LARS1: variants seen among roughly 807,000 people sequenced by gnomAD.
LARS1 encodes leucine--tRNA ligase, cytoplasmic.
A neutral mutation model predicts 162.8 loss-of-function variants in LARS1; 100 were observed. The observed-to-expected ratio is 0.61, with a 90% CI of 0.52 to 0.73. LARS1 has a LOEUF of 0.73. Among genes scored for constraint, LARS1 ranks in the 30% least tolerant of loss-of-function variants. The pLI is 0.00. For missense variants in LARS1, 1,258 were observed against 1,408.9 expected (o/e 0.89, Z 1.71); for synonymous variants, 457 against 462.8 (o/e 0.99, Z 0.16).
At chr5:146,150,220 A>C (rs1753212981) in intron 14 of LARS1, among the ~76,000 whole-genome samples, 1 of 152,170 alleles carries the variant, frequency 6.6e-6, no homozygotes, top group Non-Finnish European at 1.5e-5. Flanking sequence ...TAGCTTATCC[A>C]TTGTTGCCAT....
chr5:146,115,648 T>C (rs910534769), intron 31 of LARS1, among the ~76,000 whole-genome samples: 1 of 143,136 alleles, frequency 7.0e-6, no homozygotes, highest in African/African-American at 2.5e-5. Flanking sequence ...TCAACAATCC[T>C]GCCAACAACT....
intron 29 of LARS1, among the ~76,000 whole-genome samples, chr5:146,123,623 A>AG (rs1408754480): frequency 6.6e-6 from 1 of 151,540 alleles, no homozygotes; most frequent in Non-Finnish European, 1.5e-5. Flanking sequence ...ATCAAAAGGG[A>AG]GGGGGGAAAA....
intron 31 of LARS1, among the ~76,000 whole-genome samples, 200 bp from the exon 32 acceptor site, chr5:146,114,511 A>C (rs1764112479): frequency 6.6e-6 from 1 of 152,112 alleles, no homozygotes; most frequent in Non-Finnish European, 1.5e-5. Context: ...AGGCGGGTGA[A>C]TCACTTGAGG....
At position 146,168,230 on chromosome 5, in the gene LARS1, C is replaced by A; in HGVS notation, c.330G>T (p.Leu110=). 6.2e-7 allele frequency: 1 copy of A among 1,613,618 alleles called. No individual in the cohort carries two copies. Among genetic ancestry groups the A allele is most frequent in the South Asian group, 1.1e-5 (1 of 90,996 alleles). The change falls in exon 5 of 32, where the codon CTG becomes CTT. Residue 110 remains leucine (L), a synonymous_variant. Transcript: ENST00000394434. Reference sequence around the variant, plus strand: ...CTGGAAAATCAGGGGGGCAACCATACAGCTCTATTTCTCTTTTCAACTTAT... The same window carrying A: ...CTGGAAAATCAGGGGGGCAACCATAAAGCTCTATTTCTCTTTTCAACTTAT... ...CADKLKREIE[L]YGCPPDFPDE... is the part of the protein sequence containing the mutation.
At chr5:146,176,596 A>G (rs978896128) in intron 2 of LARS1, among the ~76,000 whole-genome samples, 10 of 152,180 alleles carry the variant, frequency 6.6e-5, no homozygotes, top group African/African-American at 1.7e-4. Context: ...TATTTCTTCA[A>G]TCTGAAAAAG....
At chr5:146,159,735 A>T (rs1366137749) in intron 7 of LARS1, among the ~76,000 whole-genome samples, 4 of 152,186 alleles carry the variant, frequency 2.6e-5, no homozygotes, top group African/African-American at 9.6e-5. Context: ...ATTATAAAAC[A>T]TAAATTGACT....
intron 6 of LARS1, among the ~76,000 whole-genome samples, chr5:146,163,673 G>C (rs535089814): frequency 2.6e-5 from 4 of 152,068 alleles, no homozygotes; most frequent in Non-Finnish European, 5.9e-5. Context: ...GTGACAGAGC[G>C]AGACTCCATC....
chr5:146,129,678 A>G (rs776417405), intron 25 of LARS1, among the ~76,000 whole-genome samples: 4 of 151,912 alleles, frequency 2.6e-5, no homozygotes, highest in Non-Finnish European at 5.9e-5. Context: ...TATATATGCC[A>G]GAAGTTTTAT....
chr5:146,157,197 T>C (rs1174780530), intron 10 of LARS1, among the ~76,000 whole-genome samples: 1 of 152,022 alleles, frequency 6.6e-6, no homozygotes, highest in African/African-American at 2.4e-5. Flanking sequence ...CCTTCTGGAG[T>C]GCTAAAACTG....
At chr5:146,167,870 G>A (rs1234122230) in intron 5 of LARS1, among the ~76,000 whole-genome samples, 2 of 148,052 alleles carry the variant, frequency 1.4e-5, no homozygotes, top group South Asian at 2.1e-4. Flanking sequence ...ATTTTTAGTA[G>A]AGACGGGGTT....
intron 4 of LARS1, among the ~76,000 whole-genome samples, chr5:146,170,592 G>A (rs1402465880): frequency 2.6e-5 from 4 of 152,162 alleles, no homozygotes; most frequent in African/African-American, 9.7e-5. Flanking sequence ...GGGATAACAG[G>A]ACTCTGATAA....
chr5:146,114,211 A>G lies in LARS1; in HGVS notation c.3426T>C (p.Ser1142=), dbSNP rs1487925977. ...GKEYTEKTPI[S]EHAVFNVDLM... is the part of the protein sequence containing the mutation. The stretch of plus-strand genomic sequence containing the variant: ...GGTCCACATTGAAAACAGCATGCTC[A>G]GAAATGGGGGTCTTCTCGGTGTACT... Residue 1142 remains serine (S), a synonymous_variant, in exon 32 of 32, where the codon TCT becomes TCC. Transcript: ENST00000394434. 1.2e-5 allele frequency: 20 copies of G among 1,613,858 alleles called. No individual in the cohort carries two copies. The highest frequency in any genetic ancestry group is 1.4e-5 in the Non-Finnish European group (16 of 1,179,928).
At chr5:146,127,449 A>G (rs547116161) in intron 27 of LARS1, among the ~76,000 whole-genome samples, 32 of 152,238 alleles carry the variant, frequency 2.1e-4, no homozygotes, top group South Asian at 1.7e-3. Context: ...ACAAAAATCT[A>G]AAAGACAGCT....
intron 4 of LARS1, among the ~76,000 whole-genome samples, chr5:146,169,282 T>C (rs914537761): frequency 6.6e-6 from 1 of 152,184 alleles, no homozygotes; most frequent in Non-Finnish European, 1.5e-5. Context: ...CTTTCCACTC[T>C]AGCTCTTATC....
chr5:146,114,986 G>A (rs901859197), intron 31 of LARS1, among the ~76,000 whole-genome samples: 8 of 150,602 alleles, frequency 5.3e-5, no homozygotes, highest in African/African-American at 2.0e-4. Context: ...AGAGGTTGCG[G>A]TGAGCCAAGA....
Position 146,126,422 on chromosome 5 carries a change from G to A in LARS1, c.2991+13C>T. ...GCTCATGTGGTCACAGCTGCATAAG[G>A]TCCACAGCTTACCTTAATCATGGCA... On this transcript the variant is annotated intron_variant, in intron 28 of 31. Transcript: ENST00000394434. 2.0e-6 allele frequency: 3 copies of A among 1,535,970 alleles called. No homozygotes were observed. Among genetic ancestry groups the A allele is most frequent in the Non-Finnish European group, 2.7e-6 (3 of 1,109,610 alleles).
rs757280818 is a variant in LARS1 at position 146,153,824 on chromosome 5, G to C, written c.1154-14C>G. 1.9e-6 allele frequency: 3 copies of C among 1,613,184 alleles called. No individual in the cohort carries two copies. Among genetic ancestry groups the C allele is most frequent in the Admixed American group, 1.7e-5 (1 of 59,998 alleles). The stretch of plus-strand genomic sequence containing the variant: ...CCACACCAGTGCCTTAGAAAACAAA[G>C]TGTGGAATTAATAACTAGAACCAAA... On this transcript the variant is annotated splice_polypyrimidine_tract_variant and intron_variant, in intron 11 of 31. Coordinates refer to ENST00000394434, the MANE Select transcript of LARS1 (RefSeq NM_020117.11).
At chr5:146,140,301 AAAG>A in intron 20 of LARS1, 40 bp from the exon 21 acceptor site, 2 of 1,534,336 alleles carry the variant, frequency 1.3e-6, no homozygotes, top group South Asian at 2.3e-5. Context: ...ATAAAAAAAC[AAAG>A]ATGATAGTTC....
At chr5:146,141,011 A>C (rs1291814056) in intron 20 of LARS1, among the ~76,000 whole-genome samples, 1 of 152,218 alleles carries the variant, frequency 6.6e-6, no homozygotes, top group Non-Finnish European at 1.5e-5. Flanking sequence ...AATCACAAGA[A>C]ACCAATAGCA....
Sources: allele counts gnomAD v4.1 joint callset (sites outside exome capture counted in the v4.1 genomes callset), GRCh38; gene constraint gnomAD v4.1.1; transcripts MANE v1.5; gene names NCBI Gene and HGNC (gene_info 2026-07-23, HGNC 2026-07-21).